The following ANO2 variants were observed in gnomAD, a reference collection of about 807,000 sequenced individuals.
ANO2 encodes anoctamin-2.
ANO2 carries 101 observed loss-of-function variants against 124.2 expected under a neutral mutation model. The ratio of observed to expected loss-of-function variants is 0.81; its 90% CI spans 0.69 to 0.96. The LOEUF (loss-of-function observed/expected upper bound fraction) is 0.96. Among genes scored for constraint, ANO2 ranks in the 40% least tolerant of loss-of-function variants. The probability of loss-of-function intolerance (pLI) is 0.00; values close to 1 mark genes in which losing one functional copy is unlikely to be tolerated. For missense variants in ANO2, 1,293 were observed against 1,274.5 expected (o/e 1.01, Z -0.22); for synonymous variants, 486 against 482.5 (o/e 1.01, Z -0.09).
chr12:5,581,115 T>A (rs1041111130), intron 20 of ANO2, among the ~76,000 whole-genome samples: 1 of 152,176 alleles, frequency 6.6e-6, no homozygotes, highest in Non-Finnish European at 1.5e-5. Flanking sequence ...TGGGGATGAA[T>A]GGAATTAACA....
chr12:5,628,959 C>T (rs2136928955), intron 16 of ANO2, among the ~76,000 whole-genome samples: 1 of 152,300 alleles, frequency 6.6e-6, no homozygotes, highest in Middle Eastern at 3.4e-3. Flanking sequence ...CACGGCCTTT[C>T]CCCATCCCTC....
chr12:5,922,142 G>A (rs1160601288), intron 2 of ANO2, among the ~76,000 whole-genome samples: 1 of 152,180 alleles, frequency 6.6e-6, no homozygotes. Flanking sequence ...AGGTGGGGAG[G>A]TGGAAAGAAG....
intron 14 of ANO2, among the ~76,000 whole-genome samples, chr12:5,709,745 T>C (rs758070938): frequency 6.6e-6 from 1 of 152,138 alleles, no homozygotes; most frequent in Non-Finnish European, 1.5e-5. Context: ...GACAAATGAG[T>C]GTGTCCATTA....
At chr12:5,895,824 C>T (rs755782372) in intron 3 of ANO2, among the ~76,000 whole-genome samples, 42 of 151,700 alleles carry the variant, frequency 2.8e-4, no homozygotes, top group South Asian at 2.1e-4. Flanking sequence ...ATATGAAAAA[C>T]ACACACGCAT....
chr12:5,622,652 C>T (rs924297692), intron 16 of ANO2, among the ~76,000 whole-genome samples: 1 of 152,158 alleles, frequency 6.6e-6, no homozygotes, highest in Non-Finnish European at 1.5e-5. Context: ...CCTCACCTGC[C>T]TAGGACAGAG....
At chr12:5,708,996 T>C (rs149697295) in intron 14 of ANO2, among the ~76,000 whole-genome samples, 4 of 152,358 alleles carry the variant, frequency 2.6e-5, no homozygotes, top group African/African-American at 9.6e-5. Context: ...ATATCTGTCT[T>C]ATTCACTTTC....
At chr12:5,812,371 A>AAAAGAAAGAAAG (rs368397839) in intron 7 of ANO2, among the ~76,000 whole-genome samples, 1 of 71,176 alleles carries the variant, frequency 1.4e-5, no homozygotes. Context: ...GAGAGAAAGA[A>AAAAGAAAGAAAG]AAAGAAAGAA....
intron 16 of ANO2, among the ~76,000 whole-genome samples, chr12:5,620,529 A>G (rs1354009532): frequency 6.6e-6 from 1 of 152,132 alleles, no homozygotes; most frequent in Non-Finnish European, 1.5e-5. Flanking sequence ...GGAATTCTAT[A>G]GGGGCTAAAT....
chr12:5,771,552 G>A (rs1952082577), intron 10 of ANO2, among the ~76,000 whole-genome samples: 1 of 152,104 alleles, frequency 6.6e-6, no homozygotes, highest in Admixed American at 6.5e-5. Context: ...GGCCAAGGCA[G>A]GTGGATCACT....
In ANO2 at chr12:5,578,523, G is replaced by A. The variant is rs375551712; in HGVS notation, c.2234-5C>T. ...TGACAAAACCAAACTGGATGACTGC[G>A]AGAGAGCACAGCATGAGGGCTTCAG... On this transcript the variant is annotated splice_region_variant and splice_polypyrimidine_tract_variant and intron_variant, in intron 20 of 24. Transcript: ENST00000682330. The A allele has an allele frequency of 1.4e-4, 226 of 1,611,910 alleles. No homozygotes were observed. In the African/African-American group the frequency reaches 1.9e-3, roughly 13 times the overall value.
chr12:5,863,902 T>G (rs543041785), intron 3 of ANO2, among the ~76,000 whole-genome samples: 1 of 152,310 alleles, frequency 6.6e-6, no homozygotes, highest in Non-Finnish European at 1.5e-5. Context: ...TAATAAATAT[T>G]CAAAAGTGAA....
chr12:5,914,067 T>G (rs140894952), intron 3 of ANO2, among the ~76,000 whole-genome samples: 22 of 151,998 alleles, frequency 1.4e-4, no homozygotes, highest in East Asian at 1.2e-3. Flanking sequence ...GGGCATGGTG[T>G]TGTGCACCTG....
At chr12:5,895,400 TGG>T (rs1939711728) in intron 3 of ANO2, among the ~76,000 whole-genome samples, 1 of 152,164 alleles carries the variant, frequency 6.6e-6, no homozygotes, top group South Asian at 2.1e-4. Context: ...GCTGAAACGA[TGG>T]GGTTTTCTAA....
At chr12:5,829,410 G>C (rs74709761) in intron 6 of ANO2, among the ~76,000 whole-genome samples, 5,909 of 152,240 alleles carry the variant, frequency 0.039, 141 homozygotes, top group South Asian at 0.046. Context: ...CTAGGCTAAG[G>C]GATCTGAGAT....
chr12:5,811,815 C>T (rs1953398100), intron 7 of ANO2, among the ~76,000 whole-genome samples: 2 of 152,180 alleles, frequency 1.3e-5, no homozygotes, highest in Middle Eastern at 3.2e-3. Context: ...CCCAAACTCA[C>T]AAATATTTTC....
At chr12:5,946,081 T>C, upstream of ANO2, 1 of 1,566,112 alleles carries the variant, frequency 6.4e-7, no homozygotes, top group Non-Finnish European at 8.8e-7. This position sits in a 1 kb window ranked among gnomAD's most constrained non-coding sequence, Gnocchi z 4.1. Context: ...AACAAGTTCA[T>C]TAATACCATG....
chr12:5,830,261 A>G (rs1333322865), intron 6 of ANO2, among the ~76,000 whole-genome samples, 174 bp downstream of exon 6: 1 of 152,086 alleles, frequency 6.6e-6, no homozygotes, highest in Non-Finnish European at 1.5e-5. Flanking sequence ...GAGGGCAGTT[A>G]TTTGCTGTTT....
At chr12:5,890,242 C>T (rs919971533) in intron 3 of ANO2, among the ~76,000 whole-genome samples, 2 of 152,108 alleles carry the variant, frequency 1.3e-5, no homozygotes, top group African/African-American at 4.8e-5. Flanking sequence ...AGCCTCATTG[C>T]CAACCCACTG....
At chr12:5,591,031 A>G (rs917204794) in intron 20 of ANO2, among the ~76,000 whole-genome samples, 3 of 152,132 alleles carry the variant, frequency 2.0e-5, no homozygotes, top group Admixed American at 6.5e-5. Context: ...AATACAAAAA[A>G]TTAGCAGGGC....
Sources: allele counts gnomAD v4.1 joint callset (sites outside exome capture counted in the v4.1 genomes callset), GRCh38; gene constraint gnomAD v4.1.1; non-coding constraint Gnocchi (gnomAD v3.1); transcripts MANE v1.5; gene names NCBI Gene and HGNC (gene_info 2026-07-23, HGNC 2026-07-21).